Variants in CCNY observed in about 807,000 individuals in gnomAD.
CCNY encodes cyclin Y.
CCNY carries 19 observed loss-of-function variants against 42.8 expected under a neutral mutation model. The ratio of observed to expected loss-of-function variants is 0.44; its 90% CI spans 0.31 to 0.65. The LOEUF (loss-of-function observed/expected upper bound fraction) is 0.65, where lower values mean the gene tolerates loss of function less well. CCNY is among the 30% of genes least tolerant of loss of function. The pLI is 0.07. For missense variants in CCNY, 370 were observed against 437.3 expected (o/e 0.85, Z 1.37); for synonymous variants, 165 against 162.7 (o/e 1.01, Z -0.11).
rs1328562238 is a variant in CCNY, at chr10:35,514,092, A to C, written c.265-2431A>C. 4.6e-5 allele frequency among the ~76,000 whole-genome samples: 7 copies of C among 151,102 alleles called. No individual in the cohort carries two copies. In the South Asian group the frequency reaches 1.5e-3, roughly 32 times the overall value. On this transcript the variant is annotated intron_variant, in intron 3 of 9. Transcript: ENST00000374704. The stretch of plus-strand genomic sequence containing the variant: ...GACCAGTTCAAAAAAAAAAAAAAAA[A>C]AAAAACAGAGACAACCCTGGGGTCA...
chr10:35,525,912 A>G, intron 4 of CCNY, 52 bp from the exon 5 acceptor site: 4 of 1,523,302 alleles, frequency 2.6e-6, no homozygotes, highest in Non-Finnish European at 3.6e-6. Flanking sequence ...GGTAATGTGT[A>G]AGGTCTTGAA....
At chr10:35,539,656 A>G (rs1184147089) in intron 7 of CCNY, among the ~76,000 whole-genome samples, 1 of 152,210 alleles carries the variant, frequency 6.6e-6, no homozygotes, top group East Asian at 1.9e-4. Flanking sequence ...GTGTGGTGAC[A>G]TGCATCTGTA....
intron 1 of CCNY, among the ~76,000 whole-genome samples, chr10:35,337,493 G>A (rs553388019): frequency 6.6e-6 from 1 of 152,076 alleles, no homozygotes; most frequent in African/African-American, 2.4e-5. Context: ...ACAGGAGCCG[G>A]CCCTCGTCCT....
At chr10:35,286,359 A>G (rs770023346) in intron 3 of CCNY, among the ~76,000 whole-genome samples, 77 of 148,326 alleles carry the variant, frequency 5.2e-4, no homozygotes, top group Non-Finnish European at 6.3e-4. Context: ...GTATTTTACC[A>G]TACTTTTTTT....
At chr10:35,298,584 T>C (rs943147757) in intron 3 of CCNY, among the ~76,000 whole-genome samples, 4 of 152,308 alleles carry the variant, frequency 2.6e-5, no homozygotes, top group Admixed American at 2.0e-4. Context: ...GGCACAATCA[T>C]GGCTCACTGC....
At chr10:35,251,600 T>G (rs2095712103) in intron 3 of CCNY, among the ~76,000 whole-genome samples, 1 of 151,922 alleles carries the variant, frequency 6.6e-6, no homozygotes, top group African/African-American at 2.4e-5. Flanking sequence ...TTTTTTTTTT[T>G]TTTTTTGAGA....
At chr10:35,384,658 G>A (rs1378081331) in intron 1 of CCNY, among the ~76,000 whole-genome samples, 1 of 152,094 alleles carries the variant, frequency 6.6e-6, no homozygotes, top group African/African-American at 2.4e-5. Context: ...GACTCACATA[G>A]GGTGAGTCCA....
chr10:35,472,258 A>G (rs549946447), intron 1 of CCNY, among the ~76,000 whole-genome samples: 3 of 152,298 alleles, frequency 2.0e-5, no homozygotes, highest in East Asian at 3.9e-4. Context: ...TAGTATCACA[A>G]TTTGCCCAAG....
chr10:35,529,827 G>T, intron 5 of CCNY, 146 bp from the exon 6 acceptor site: 2 of 667,716 alleles, frequency 3.0e-6, no homozygotes, highest in Non-Finnish European at 2.5e-6. Context: ...CTGAGATGGC[G>T]CCACTGCACT....
At chr10:35,519,044 C>T (rs1487640104) in intron 4 of CCNY, among the ~76,000 whole-genome samples, 1 of 150,536 alleles carries the variant, frequency 6.6e-6, no homozygotes, top group African/African-American at 2.4e-5. Context: ...TTGAATCTGG[C>T]TGAGGTATAT....
intron 1 of CCNY, among the ~76,000 whole-genome samples, chr10:35,339,060 A>G (rs2135116970): frequency 6.6e-6 from 1 of 152,350 alleles, no homozygotes; most frequent in East Asian, 1.9e-4. Flanking sequence ...GAGAGAGTAT[A>G]GGGCAGGTTT....
intron 3 of CCNY, among the ~76,000 whole-genome samples, chr10:35,513,364 G>A (rs1840360835): frequency 6.6e-6 from 1 of 152,026 alleles, no homozygotes. Flanking sequence ...TACTGTATTT[G>A]GGACAATCTT....
At chr10:35,445,892 C>CT (rs888034054) in intron 1 of CCNY, among the ~76,000 whole-genome samples, 1 of 152,076 alleles carries the variant, frequency 6.6e-6, no homozygotes, top group Admixed American at 6.5e-5. Flanking sequence ...TTTCTTACTA[C>CT]TTTTTTTTCT....
chr10:35,340,728 T>A (rs1293987702), intron 1 of CCNY, among the ~76,000 whole-genome samples: 1 of 152,162 alleles, frequency 6.6e-6, no homozygotes, highest in Non-Finnish European at 1.5e-5. Context: ...GGTCTCGAAC[T>A]CCTGACCTCA....
chr10:35,413,644 A>G (rs1373384919), intron 1 of CCNY, among the ~76,000 whole-genome samples: 5 of 152,176 alleles, frequency 3.3e-5, no homozygotes, highest in African/African-American at 1.2e-4. Flanking sequence ...TAGAGGGGAT[A>G]TTCTTACAGC....
chr10:35,507,986 C>T lies in CCNY; in HGVS notation c.264+6451C>T, dbSNP rs542355921. Among the ~76,000 whole-genome samples, 4 of 152,218 alleles carry T rather than the reference C, an allele frequency of 2.6e-5. No individual in the cohort carries two copies. In the East Asian group the frequency reaches 5.8e-4, roughly 22 times the overall value. On this transcript the variant is annotated intron_variant, in intron 3 of 9. Coordinates refer to ENST00000374704, the MANE Select transcript of CCNY (RefSeq NM_145012.6). ...ATTTTGATTACCGGGCAAGGTGCTG[C>T]CTGGATCCTCCACTGTCTGTTTACT...
intron 1 of CCNY, among the ~76,000 whole-genome samples, chr10:35,478,001 A>G (rs1358505737): frequency 4.1e-5 from 6 of 145,450 alleles, no homozygotes; most frequent in Non-Finnish European, 9.1e-5. Context: ...ACAACAGACA[A>G]ACAGAGAGCC....
intron 1 of CCNY, among the ~76,000 whole-genome samples, chr10:35,374,000 T>G (rs1589071248): frequency 6.6e-6 from 1 of 152,334 alleles, no homozygotes; most frequent in Non-Finnish European, 1.5e-5. Context: ...TTTGTACAGT[T>G]TTTTGAAAAT....
intron 3 of CCNY, among the ~76,000 whole-genome samples, chr10:35,304,918 A>G (rs1227948728): frequency 6.6e-6 from 1 of 152,242 alleles, no homozygotes; most frequent in Non-Finnish European, 1.5e-5. Context: ...GGTGGATGGA[A>G]GAGACACTAA....
Sources: allele counts gnomAD v4.1 joint callset (sites outside exome capture counted in the v4.1 genomes callset), GRCh38; gene constraint gnomAD v4.1.1; transcripts MANE v1.5; gene names NCBI Gene and HGNC (gene_info 2026-07-23, HGNC 2026-07-21).